SHC2: variants seen among roughly 807,000 people sequenced by gnomAD.
The protein encoded by SHC2 is SHC-transforming protein 2.
A neutral mutation model predicts 60.6 loss-of-function variants in SHC2; 62 were observed. The observed-to-expected ratio is 1.02, with a 90% CI of 0.83 to 1.26. The LOEUF (loss-of-function observed/expected upper bound fraction) is 1.26. Among genes scored for constraint, SHC2 ranks in the 50% most tolerant of loss-of-function variants. SHC2 has a pLI of 0.00. For missense variants in SHC2, 873 were observed against 822.2 expected, an observed-to-expected ratio of 1.06 and a Z score of -0.76; for synonymous variants, 375 against 372.4, an observed-to-expected ratio of 1.01 and a Z score of -0.08.
intron 7 of SHC2, 150 bp from the exon 8 acceptor site, chr19:435,015 A>G: frequency 6.8e-6 from 5 of 733,220 alleles, no homozygotes; most frequent in Non-Finnish European, 8.6e-6. Context: ...AAACGCTTCT[A>G]GAGCCAGTGA....
intron 1 of SHC2, among the ~76,000 whole-genome samples, chr19:452,632 T>A (rs1568297712): frequency 6.6e-6 from 1 of 152,236 alleles, no homozygotes; most frequent in Non-Finnish European, 1.5e-5. Context: ...GACTTGGAGT[T>A]CCTGCGTAGG....
chr19:460,053 GC>G (rs1451767786), intron 1 of SHC2, among the ~76,000 whole-genome samples: 1 of 152,212 alleles, frequency 6.6e-6, no homozygotes, highest in Non-Finnish European at 1.5e-5. Flanking sequence ...CGCTTCCTTG[GC>G]CGCCCTGGAA....
intron 1 of SHC2, among the ~76,000 whole-genome samples, chr19:458,231 C>G (rs78415455): frequency 0.48 from 12,581 of 25,986 alleles, 2,660 homozygotes; most frequent in African/African-American, 0.66. Context: ...CGGGTTCCGG[C>G]GGAGGGGGAA....
chr19:458,103 G>C (rs1975405763), intron 1 of SHC2, among the ~76,000 whole-genome samples: 4 of 132,780 alleles, frequency 3.0e-5, no homozygotes, highest in Admixed American at 3.0e-4. Flanking sequence ...GTGGGTCCCG[G>C]GGAGGCAGAA....
At chr19:460,379 G>C (rs1016018182) in intron 1 of SHC2, 150 bp downstream of exon 1, 4 of 323,312 alleles carry the variant, frequency 1.2e-5, no homozygotes, top group Admixed American at 5.2e-5. Context: ...GCCGCCGGCC[G>C]CCGGCCGGGG....
chr19:451,058 T>G (rs1268687727), intron 1 of SHC2, among the ~76,000 whole-genome samples: 1 of 145,910 alleles, frequency 6.9e-6, no homozygotes, highest in East Asian at 2.0e-4. Context: ...TTTCAGCGTG[T>G]GGATGGCCAC....
chr19:459,238 C>T (rs1165921835), intron 1 of SHC2, among the ~76,000 whole-genome samples: 52 of 109,008 alleles, frequency 4.8e-4, no homozygotes, highest in Middle Eastern at 6.7e-3. Context: ...CCCACTGAAC[C>T]CAGCGTAGGG....
At chr19:457,782 G>A (rs1348522042) in intron 1 of SHC2, among the ~76,000 whole-genome samples, 1 of 152,264 alleles carries the variant, frequency 6.6e-6, no homozygotes, top group African/African-American at 2.4e-5. Context: ...TGGTCCCAAT[G>A]GATGTGGTGT....
intron 1 of SHC2, among the ~76,000 whole-genome samples, chr19:442,213 AGAATGGATGGAAGAT>A (rs1015697429): frequency 6.6e-6 from 1 of 151,844 alleles, no homozygotes; most frequent in Admixed American, 6.6e-5. Flanking sequence ...GATGAATGAA[AGAATGGATGGAAGAT>A]GAATAGATGG....
chr19:439,805 C>G (rs1313152533), intron 2 of SHC2, among the ~76,000 whole-genome samples: 5 of 152,036 alleles, frequency 3.3e-5, no homozygotes, highest in Non-Finnish European at 5.9e-5. Flanking sequence ...ACGGGCGGAT[C>G]ACCTGAGGTC....
intron 1 of SHC2, among the ~76,000 whole-genome samples, chr19:459,465 T>TGAACC (rs1286499855): frequency 6.2e-5 from 9 of 144,450 alleles, no homozygotes; most frequent in African/African-American, 1.6e-4. Context: ...AGGACCCCTC[T>TGAACC]CAACTCAGCG....
chr19:456,378 G>A (rs568162526), intron 1 of SHC2, among the ~76,000 whole-genome samples: 4 of 152,172 alleles, frequency 2.6e-5, no homozygotes, highest in East Asian at 1.9e-4. Context: ...CAACTCCTCC[G>A]GGCTCCAACA....
intron 11 of SHC2, among the ~76,000 whole-genome samples, chr19:420,310 C>T (rs1974237621): frequency 6.6e-6 from 1 of 152,156 alleles, no homozygotes; most frequent in African/African-American, 2.4e-5. Context: ...CCGGGGTGCA[C>T]AAGAGCCCCC....
chr19:431,281 C>T (rs374547666), intron 8 of SHC2, among the ~76,000 whole-genome samples: 7 of 151,384 alleles, frequency 4.6e-5, no homozygotes, highest in African/African-American at 1.7e-4. Context: ...GGCGCTTCAT[C>T]GTGAGTGAGA....
chr19:435,139 G>A (rs1028389405), intron 7 of SHC2, among the ~76,000 whole-genome samples: 15 of 152,208 alleles, frequency 9.9e-5, no homozygotes, highest in Admixed American at 9.2e-4. Flanking sequence ...GCCCACCTCC[G>A]GCCCCGCCCG....
intron 1 of SHC2, among the ~76,000 whole-genome samples, chr19:442,546 G>GAT (rs1568292423): frequency 2.1e-5 from 1 of 48,356 alleles, no homozygotes; most frequent in Admixed American, 2.0e-4. Flanking sequence ...TGGGTGGGTG[G>GAT]GTGGATGGGT....
chr19:429,471 C>T (rs903778067), intron 9 of SHC2, among the ~76,000 whole-genome samples: 5 of 148,220 alleles, frequency 3.4e-5, no homozygotes, highest in African/African-American at 9.9e-5. Context: ...AACCTAATAC[C>T]GTGTGGATGA....
rs1307625342 is a variant in SHC2, at chr19:425,859, T to C, written c.1175-628A>G. Among the ~76,000 whole-genome samples the C allele has an allele frequency of 6.6e-6, 1 of 151,810 alleles. No homozygotes were observed. The highest frequency in any genetic ancestry group is 1.5e-5 in the Non-Finnish European group (1 of 67,940). ...GCCTGGCCAACATGGTGAAACCCCG[T>C]CTCTACTAAAAATGCAAAAATTAGC... On this transcript the variant is annotated intron_variant, in intron 9 of 12. Coordinates refer to ENST00000264554, the MANE Select transcript of SHC2 (RefSeq NM_012435.3). This position sits in a 1 kb window ranked among gnomAD's most constrained non-coding sequence, Gnocchi z 4.1.
At chr19:427,547 CACA>C (rs1974450477) in intron 9 of SHC2, among the ~76,000 whole-genome samples, 2 of 137,428 alleles carry the variant, frequency 1.5e-5, no homozygotes, top group Non-Finnish European at 3.1e-5. Context: ...TTGCGCACGG[CACA>C]GGGAAGGGGA....
Sources: gnomAD v4.1 joint callset for allele counts (sites outside exome capture counted in the v4.1 genomes callset) on GRCh38, gnomAD v4.1.1 for gene constraint, Gnocchi (gnomAD v3.1) non-coding constraint, MANE v1.5 for transcripts, NCBI Gene and HGNC (gene_info 2026-07-23, HGNC 2026-07-21) for gene names.